SLC24A3: variants seen among roughly 807,000 people sequenced by gnomAD.
SLC24A3 encodes sodium/potassium/calcium exchanger 3.
In SLC24A3, 28 loss-of-function variants were observed where a neutral mutation model predicts 75.8. The observed-to-expected ratio is 0.37, with a 90% CI of 0.27 to 0.51. The LOEUF is 0.51. Among genes scored for constraint, SLC24A3 ranks in the 20% least tolerant of loss-of-function variants. The pLI, the probability that SLC24A3 is intolerant of heterozygous loss-of-function variation, is 0.94. For synonymous variants in SLC24A3, 372 were observed against 334.1 expected (o/e 1.11, Z -1.24); for missense variants, 663 against 847.8 (o/e 0.78, Z 2.71).
At chr20:19,311,095 A>G (rs565023296) in intron 2 of SLC24A3, among the ~76,000 whole-genome samples, 1 of 108,588 alleles carries the variant, frequency 9.2e-6, no homozygotes, top group African/African-American at 3.5e-5. Flanking sequence ...CCTTCCCTTC[A>G]TTTTTTCCTT....
chr20:19,309,379 C>CA (rs1416607016), intron 2 of SLC24A3, among the ~76,000 whole-genome samples: 1 of 152,126 alleles, frequency 6.6e-6, no homozygotes, highest in Non-Finnish European at 1.5e-5. Context: ...TATTAAGGGC[C>CA]AAACCAGGTG....
chr20:19,537,318 C>G (rs2030417057), intron 3 of SLC24A3, among the ~76,000 whole-genome samples: 1 of 152,166 alleles, frequency 6.6e-6, no homozygotes, highest in African/African-American at 2.4e-5. Flanking sequence ...AAATCAAAAC[C>G]ACAGCGAGAT....
intron 6 of SLC24A3, among the ~76,000 whole-genome samples, chr20:19,606,592 C>T (rs376218210): frequency 4.1e-4 from 62 of 152,180 alleles, no homozygotes; most frequent in African/African-American, 9.6e-4. Flanking sequence ...GGGAAGTAAC[C>T]GCTTCTTTGT....
chr20:19,460,025 G>A (rs749058089), intron 2 of SLC24A3, among the ~76,000 whole-genome samples: 14 of 152,166 alleles, frequency 9.2e-5, no homozygotes, highest in Non-Finnish European at 1.0e-4. Context: ...CTGCTGGCCC[G>A]TGGAAAGCAA....
At chr20:19,217,712 C>G (rs1480297168) in intron 1 of SLC24A3, among the ~76,000 whole-genome samples, 1 of 152,072 alleles carries the variant, frequency 6.6e-6, no homozygotes, top group African/African-American at 2.4e-5. Context: ...AGCTTTGTTT[C>G]CCTCTTCTAT....
chr20:19,270,459 C>T (rs895987269), intron 1 of SLC24A3, among the ~76,000 whole-genome samples: 10 of 152,176 alleles, frequency 6.6e-5, no homozygotes, highest in Non-Finnish European at 1.5e-5. Flanking sequence ...CCTCACAGTT[C>T]TGGAGCCTGG....
intron 6 of SLC24A3, among the ~76,000 whole-genome samples, chr20:19,604,606 C>G (rs967070941): frequency 2.0e-5 from 3 of 152,086 alleles, no homozygotes; most frequent in African/African-American, 4.8e-5. Flanking sequence ...GAGTCAGAAC[C>G]CCCAGTGTTA....
intron 2 of SLC24A3, among the ~76,000 whole-genome samples, chr20:19,295,649 A>G (rs112644028): frequency 4.5e-4 from 68 of 152,316 alleles, no homozygotes; most frequent in African/African-American, 1.5e-3. Context: ...TATGTGATGA[A>G]TTACATTTAT....
intron 3 of SLC24A3, among the ~76,000 whole-genome samples, chr20:19,563,418 T>C (rs1036026932): frequency 4.6e-5 from 7 of 152,182 alleles, no homozygotes; most frequent in Non-Finnish European, 2.9e-5. Context: ...AAATGGGAGA[T>C]ATTTTGCAGA....
intron 2 of SLC24A3, among the ~76,000 whole-genome samples, chr20:19,301,355 C>T (rs1984191417): frequency 1.3e-5 from 2 of 152,184 alleles, no homozygotes; most frequent in African/African-American, 2.4e-5. Context: ...TTCAGCTCCT[C>T]TTAAGACCGT....
At chr20:19,362,748 C>T (rs1364167664) in intron 2 of SLC24A3, among the ~76,000 whole-genome samples, 3 of 152,080 alleles carry the variant, frequency 2.0e-5, no homozygotes, top group Non-Finnish European at 4.4e-5. Flanking sequence ...AGCCATGCTC[C>T]CTACACCCCC....
chr20:19,468,188 G>T (rs1213880579), intron 2 of SLC24A3, among the ~76,000 whole-genome samples: 1 of 152,152 alleles, frequency 6.6e-6, no homozygotes, highest in Non-Finnish European at 1.5e-5. Flanking sequence ...CTAGAGCACA[G>T]ATATAAGATG....
chr20:19,387,691 A>G (rs889384607), intron 2 of SLC24A3, among the ~76,000 whole-genome samples: 10 of 152,306 alleles, frequency 6.6e-5, no homozygotes, highest in Admixed American at 3.9e-4. Flanking sequence ...GACACTTGAT[A>G]TGATTTCAGT....
intron 2 of SLC24A3, among the ~76,000 whole-genome samples, chr20:19,501,282 C>A (rs1988380462): frequency 1.3e-5 from 2 of 152,174 alleles, no homozygotes; most frequent in South Asian, 2.1e-4. Context: ...ACTAACTCAA[C>A]AACTAAGCCA....
rs778046824 is a variant in SLC24A3, at chr20:19,696,015, C to CTTTTTTTTTTTTTT, written c.1492-777_1492-764dup. On this transcript the variant is annotated intron_variant, in intron 13 of 16. Coordinates refer to ENST00000328041, the MANE Select transcript of SLC24A3 (RefSeq NM_020689.4). ...ATGGCTTTCCCCTTTTTTTCCTTTT[C>CTTTTTTTTTTTTTT]TTTTTTTTTTTTTTTTTTGTGAGAC... is the stretch of plus-strand genomic sequence containing the variant. Among the ~76,000 whole-genome samples, 712 of 108,090 alleles carry CTTTTTTTTTTTTTT rather than the reference C, an allele frequency of 6.6e-3. 22 individuals carry two copies. The highest frequency in any genetic ancestry group is 7.5e-3 in the Non-Finnish European group (426 of 56,660). The allele number at this position is 108,090 out of a possible 152,430, so 70.9% of individuals were successfully genotyped here. A position where few individuals can be genotyped will look rare whatever the true frequency, so the allele number is the denominator to read the frequency against.
At chr20:19,297,853 C>T (rs907448587) in intron 2 of SLC24A3, among the ~76,000 whole-genome samples, 2 of 152,184 alleles carry the variant, frequency 1.3e-5, no homozygotes, top group African/African-American at 4.8e-5. Flanking sequence ...TCCCTAATAT[C>T]CCTCTCACTT....
intron 7 of SLC24A3, among the ~76,000 whole-genome samples, chr20:19,664,760 A>T (rs1279174642): frequency 1.3e-5 from 2 of 152,176 alleles, no homozygotes; most frequent in Non-Finnish European, 2.9e-5. Context: ...CCATACTCAA[A>T]GCAGTTGTCC....
At chr20:19,634,623 T>G (rs1345007095) in intron 6 of SLC24A3, among the ~76,000 whole-genome samples, 1 of 152,114 alleles carries the variant, frequency 6.6e-6, no homozygotes, top group African/African-American at 2.4e-5. Flanking sequence ...CTCAAAAATA[T>G]GCTGAGTGAA....
chr20:19,412,763 G>T (rs1207931576), intron 2 of SLC24A3, among the ~76,000 whole-genome samples: 1 of 152,074 alleles, frequency 6.6e-6, no homozygotes, highest in Non-Finnish European at 1.5e-5. Flanking sequence ...AGAGAAAATG[G>T]GCTGTTTTCT....
Sources: gnomAD v4.1 joint callset for allele counts (sites outside exome capture counted in the v4.1 genomes callset) on GRCh38, gnomAD v4.1.1 for gene constraint, MANE v1.5 for transcripts, NCBI Gene and HGNC (gene_info 2026-07-23, HGNC 2026-07-21) for gene names.